The following BRCA1 variants were observed in gnomAD, a reference collection of about 807,000 sequenced individuals.
The protein encoded by BRCA1 is breast cancer type 1 susceptibility protein.
In BRCA1, 140 loss-of-function variants were observed where a neutral mutation model predicts 173.7. That is an observed-to-expected ratio of 0.81 (90% CI 0.70 to 0.93). The LOEUF (loss-of-function observed/expected upper bound fraction) is 0.93. BRCA1 is among the 40% of genes least tolerant of loss of function. The pLI, the probability that BRCA1 is intolerant of heterozygous loss-of-function variation, is 0.00. For synonymous variants in BRCA1, 662 were observed against 756.0 expected (o/e 0.88, Z 2.04); for missense variants, 1,983 against 2,172.5 (o/e 0.91, Z 1.73).
chr17:43,156,681 G>T (rs1212038515), intron 1 of BRCA1, among the ~76,000 whole-genome samples: 1 of 151,996 alleles, frequency 6.6e-6, no homozygotes, highest in Non-Finnish European at 1.5e-5. Context: ...GAAATTCTCC[G>T]TAAAAGAAAA....
intron 22 of BRCA1, among the ~76,000 whole-genome samples, chr17:43,047,101 CTTTCTTT>C (rs1268793993): frequency 6.6e-6 from 1 of 151,826 alleles, no homozygotes; most frequent in African/African-American, 2.4e-5. Context: ...TAAATTTATA[CTTTCTTT>C]TTTCTTTTTG....
At chr17:43,121,366 C>A (rs1269046209) in intron 2 of BRCA1, among the ~76,000 whole-genome samples, 1 of 148,620 alleles carries the variant, frequency 6.7e-6, no homozygotes, top group African/African-American at 2.5e-5. Flanking sequence ...CAGAGCGAGA[C>A]CGTGTCTCAA....
chr17:43,121,387 C>G (rs1185985288), intron 2 of BRCA1, among the ~76,000 whole-genome samples: 1 of 149,124 alleles, frequency 6.7e-6, no homozygotes, highest in Admixed American at 6.7e-5. Flanking sequence ...AAAAACAAAA[C>G]AAAACAAAAC....
chr17:43,136,715 C>A lies in BRCA1; in HGVS notation c.-19-12600G>T, dbSNP rs149365743. On this transcript the variant is annotated intron_variant, in intron 1 of 7. Transcript: ENST00000634433. ...ATCATCACTGGCCATCAGAGACATG[C>A]AAATCAAAACCACAATGAGATACCA... Among the ~76,000 whole-genome samples the A allele has an allele frequency of 3.0e-3, 453 of 152,288 alleles. 1 individual carries two copies. Among genetic ancestry groups the A allele is most frequent in the Non-Finnish European group, 5.4e-3 (365 of 68,030 alleles).
At chr17:43,046,599 G>T (rs557311943) in intron 22 of BRCA1, among the ~76,000 whole-genome samples, 1 of 151,340 alleles carries the variant, frequency 6.6e-6, no homozygotes, top group South Asian at 2.1e-4. Context: ...ATGGGGTTTC[G>T]CCATATTGGC....
intron 6 of BRCA1, among the ~76,000 whole-genome samples, chr17:43,100,534 AT>A (rs1157385914): frequency 2.1e-5 from 2 of 94,778 alleles, no homozygotes; most frequent in East Asian, 5.7e-4. Context: ...GTATATATAT[AT>A]ACATATATAT....
chr17:43,110,439 A>C (rs2054984264), intron 3 of BRCA1: 1 of 306,128 alleles, frequency 3.3e-6, no homozygotes, highest in Non-Finnish European at 6.7e-6. Flanking sequence ...CACAAAATTT[A>C]GCTGGATATG....
At chr17:43,169,887 T>G in intron 1 of BRCA1, 1 of 407,894 alleles carries the variant, frequency 2.5e-6, no homozygotes, top group Non-Finnish European at 4.9e-6. Context: ...TTTCCCCCCC[T>G]CTACACTGCA....
chr17:43,081,783 TG>T (rs2053011351), intron 12 of BRCA1, among the ~76,000 whole-genome samples: 1 of 152,230 alleles, frequency 6.6e-6, no homozygotes, highest in Non-Finnish European at 1.5e-5. Context: ...CAACTGCATC[TG>T]CCTGGTTACT....
intron 1 of BRCA1, among the ~76,000 whole-genome samples, chr17:43,149,915 A>G (rs1189303197): frequency 6.6e-6 from 1 of 152,036 alleles, no homozygotes; most frequent in Non-Finnish European, 1.5e-5. Flanking sequence ...CAACCACCCG[A>G]GTAGCTGGGA....
chr17:43,116,399 T>C (rs969500875), intron 2 of BRCA1, among the ~76,000 whole-genome samples: 4 of 152,306 alleles, frequency 2.6e-5, no homozygotes, highest in Middle Eastern at 3.4e-3. Flanking sequence ...AAGGTCACAC[T>C]CTGTCACCTA....
chr17:43,073,512 C>A (rs762074644), intron 14 of BRCA1, among the ~76,000 whole-genome samples: 1 of 151,956 alleles, frequency 6.6e-6, no homozygotes, highest in Non-Finnish European at 1.5e-5. Context: ...TTTATGATAA[C>A]GTGTTTTTGA....
At chr17:43,127,751 C>T (rs1447902649), upstream of BRCA1, among the ~76,000 whole-genome samples, 2 of 152,012 alleles carry the variant, frequency 1.3e-5, no homozygotes, top group Non-Finnish European at 2.9e-5. Context: ...CCGCTGGGTG[C>T]CAGTGGCTCA....
intron 7 of BRCA1, 141 bp from the exon 8 acceptor site, chr17:43,097,430 G>A (rs890298761): frequency 5.1e-6 from 4 of 786,498 alleles, no homozygotes; most frequent in Non-Finnish European, 8.8e-6. Context: ...TGCTAGTTAA[G>A]CTAGTATGTA....
chr17:43,101,250 G>A (rs545815302), intron 6 of BRCA1, among the ~76,000 whole-genome samples: 65 of 151,844 alleles, frequency 4.3e-4, no homozygotes, highest in African/African-American at 1.4e-3. Context: ...AGGCTGGAGC[G>A]TGGTGGCGTG....
In BRCA1 at chr17:43,048,825, C is replaced by T. The variant is rs73311445; in HGVS notation, c.5406+296G>A. Among the ~76,000 whole-genome samples the T allele has an allele frequency of 2.7e-3, 410 of 152,094 alleles. No homozygotes were observed. Among genetic ancestry groups the T allele is most frequent in the African/African-American group, 9.2e-3 (382 of 41,508 alleles). Reference sequence around the variant, plus strand: ...GAGCCACCATGCCCAGCCTCCAGCCCATCATTTCTTGATGATTTGTTGAAA... The same window carrying T: ...GAGCCACCATGCCCAGCCTCCAGCCTATCATTTCTTGATGATTTGTTGAAA... On this transcript the variant is annotated intron_variant, in intron 21 of 22. Transcript: ENST00000357654.
chr17:43,122,039 T>C (rs139448438), intron 2 of BRCA1, among the ~76,000 whole-genome samples: 9 of 152,294 alleles, frequency 5.9e-5, no homozygotes, highest in African/African-American at 1.9e-4. Context: ...TTTCAATAAA[T>C]TGATAAATTG....
intron 18 of BRCA1, among the ~76,000 whole-genome samples, chr17:43,059,341 G>T (rs2051644873): frequency 6.6e-6 from 1 of 152,172 alleles, no homozygotes. Flanking sequence ...GCAGGTGCCT[G>T]TAATCCCAGC....
In BRCA1 at chr17:43,045,796, C is replaced by G. The variant is rs2050888423; in HGVS notation, c.5474G>C (p.Gly1825Ala). 6.2e-7 allele frequency: 1 copy of G among 1,614,140 alleles called. No individual in the cohort carries two copies. Among genetic ancestry groups the G allele is most frequent in the Non-Finnish European group, 8.5e-7 (1 of 1,180,032 alleles). Residue 1825 changes from glycine (G) to alanine (A), a missense_variant, in exon 23 of 23, where the codon GGG becomes GCG. Coordinates refer to ENST00000357654, the MANE Select transcript of BRCA1 (RefSeq NM_007294.4). ...WTEDNGFHAI[G>A]QMCEAPVVTR... ...CACCACAGGTGCCTCACACATCTGCCCAATTGCTGGAGACAGAGAACACAA... is the reference window on the plus strand; with the variant it reads ...CACCACAGGTGCCTCACACATCTGCGCAATTGCTGGAGACAGAGAACACAA...
Sources: gnomAD v4.1 joint callset for allele counts (sites outside exome capture counted in the v4.1 genomes callset) on GRCh38, gnomAD v4.1.1 for gene constraint, MANE v1.5 for transcripts, NCBI Gene and HGNC (gene_info 2026-07-23, HGNC 2026-07-21) for gene names.